Variants in ADAM22 observed in about 807,000 individuals in gnomAD.
ADAM22 encodes the protein ADAM metallopeptidase domain 22, also known as disintegrin and metalloproteinase domain-containing protein 22.
Under a neutral mutation model 144.6 loss-of-function variants are expected in ADAM22, and 65 were observed. That is an observed-to-expected ratio of 0.45 (90% CI 0.37 to 0.55). The LOEUF (loss-of-function observed/expected upper bound fraction) is 0.55. Among genes scored for constraint, ADAM22 ranks in the 20% least tolerant of loss-of-function variants. The probability of loss-of-function intolerance (pLI) is 0.00; values close to 1 mark genes in which losing one functional copy is unlikely to be tolerated. For synonymous variants in ADAM22, 391 were observed against 412.6 expected (o/e 0.95, Z 0.63); for missense variants, 974 against 1,184.9 (o/e 0.82, Z 2.61).
chr7:87,941,555 C>A (rs1050884627), intron 2 of ADAM22, among the ~76,000 whole-genome samples: 1 of 151,854 alleles, frequency 6.6e-6, no homozygotes. Context: ...TATTGATAAC[C>A]TTTTGCCACC....
At chr7:88,073,330 T>C (rs1396839894) in intron 3 of ADAM22, among the ~76,000 whole-genome samples, 3 of 152,210 alleles carry the variant, frequency 2.0e-5, no homozygotes, top group Non-Finnish European at 4.4e-5. Flanking sequence ...TGGTGAGAAT[T>C]GCAGCCATCA....
Position 88,200,321 on chromosome 7 carries a change from T to C in ADAM22, c.*3830T>C, listed in dbSNP as rs561807722. ...ATCTAAAGAAAAGATTATTTTACTT[T>C]ATTTTACTTAAAGGAAAGAGAATTT... On this transcript the variant is annotated 3_prime_UTR_variant, in exon 32 of 32. Transcript: ENST00000413139. 6.6e-6 allele frequency: 1 copy of C among 152,372 alleles called. No individual in the cohort carries two copies. Among genetic ancestry groups the C allele is most frequent in the Non-Finnish European group, 1.5e-5 (1 of 68,030 alleles). The allele number at this position is 152,372 out of a possible 1,614,324, so 9.4% of individuals were successfully genotyped here. A position where few individuals can be genotyped will look rare whatever the true frequency, so the allele number is the denominator to read the frequency against.
intron 3 of ADAM22, among the ~76,000 whole-genome samples, chr7:88,014,607 G>A (rs1413938335): frequency 6.6e-6 from 1 of 152,128 alleles, no homozygotes. Flanking sequence ...GTCAGGGGTG[G>A]TGGCAGACAC....
intron 3 of ADAM22, among the ~76,000 whole-genome samples, chr7:88,046,419 TTTGTTTTCTTGTTA>T (rs1213846503): frequency 6.6e-6 from 1 of 152,194 alleles, no homozygotes; most frequent in African/African-American, 2.4e-5. Flanking sequence ...CATCATGTTA[TTTGTTTTCTTGTTA>T]TTGAGTTTTT....
intron 26 of ADAM22, among the ~76,000 whole-genome samples, chr7:88,172,607 C>T (rs1001355066): frequency 6.6e-6 from 1 of 151,720 alleles, no homozygotes; most frequent in African/African-American, 2.4e-5. Context: ...ATTAAAATTC[C>T]CATAAGGCTT....
chr7:88,021,372 T>C lies in ADAM22; in HGVS notation c.323+42960T>C, dbSNP rs548482745. 2.6e-5 allele frequency among the ~76,000 whole-genome samples: 4 copies of C among 152,288 alleles called. No individual in the cohort carries two copies. The East Asian group carries it at 7.7e-4, about 29-fold the overall frequency. On this transcript the variant is annotated intron_variant, in intron 3 of 31. Transcript: ENST00000413139. ...GGATTATTTTTACAGAGTTTTAAATTTGCCTAAAGCAAACCTTTTTGCTGG... is the reference window on the plus strand; with the variant it reads ...GGATTATTTTTACAGAGTTTTAAATCTGCCTAAAGCAAACCTTTTTGCTGG...
At chr7:88,014,659 A>G (rs1796160444) in intron 3 of ADAM22, among the ~76,000 whole-genome samples, 1 of 152,128 alleles carries the variant, frequency 6.6e-6, no homozygotes, top group African/African-American at 2.4e-5. Flanking sequence ...AGGAGGTAAA[A>G]AAGAAAAAAA....
In ADAM22 at chr7:88,145,525, A is replaced by C. The variant is rs1563320501; in HGVS notation, c.1485+18A>C. 6.3e-7 allele frequency: 1 copy of C among 1,588,006 alleles called. No homozygotes were observed. The highest frequency in any genetic ancestry group is 1.3e-5 in the African/African-American group (1 of 74,372). On this transcript the variant is annotated intron_variant, in intron 17 of 31. Coordinates refer to ENST00000413139, the MANE Select transcript of ADAM22 (RefSeq NM_001324418.2). ...AGTGCAAGGTAAATAAACATTAATG[A>C]CCATTTGACAGAAAAAAAGGACATA...
At chr7:88,117,758 A>G (rs1372313003) in intron 7 of ADAM22, among the ~76,000 whole-genome samples, 1 of 149,486 alleles carries the variant, frequency 6.7e-6, no homozygotes, top group Admixed American at 6.7e-5. Context: ...CAGTGACGCG[A>G]CCTCAGCTCA....
chr7:87,955,448 A>G (rs1199393863), intron 2 of ADAM22, among the ~76,000 whole-genome samples: 1 of 152,144 alleles, frequency 6.6e-6, no homozygotes, highest in Non-Finnish European at 1.5e-5. Flanking sequence ...GCAGAACCGC[A>G]GATTTTTGTG....
chr7:88,130,131 AT>A (rs35644138), intron 9 of ADAM22, among the ~76,000 whole-genome samples: 60,096 of 151,794 alleles, frequency 0.4, 13,835 homozygotes, highest in East Asian at 0.88. Context: ...TGGATTGGGT[AT>A]TTTTTACTTC....
At chr7:88,082,975 A>G (rs1262537139) in intron 4 of ADAM22, among the ~76,000 whole-genome samples, 6 of 152,234 alleles carry the variant, frequency 3.9e-5, no homozygotes, top group Non-Finnish European at 7.3e-5. Flanking sequence ...TGACCCAGCC[A>G]TCCCATTAGT....
At chr7:88,132,815 T>A in intron 11 of ADAM22, 52 bp from the exon 12 acceptor site, 1 of 1,418,308 alleles carries the variant, frequency 7.1e-7, no homozygotes, top group Non-Finnish European at 1.0e-6. Flanking sequence ...TGAGGGGTGC[T>A]ATGATGTTTG....
At chr7:87,997,300 G>C (rs1394572836) in intron 3 of ADAM22, among the ~76,000 whole-genome samples, 1 of 152,186 alleles carries the variant, frequency 6.6e-6, no homozygotes, top group Non-Finnish European at 1.5e-5. Flanking sequence ...TAAACTTGGA[G>C]CTCCTCATTT....
At chr7:88,065,307 G>C (rs531493692) in intron 3 of ADAM22, among the ~76,000 whole-genome samples, 1 of 151,942 alleles carries the variant, frequency 6.6e-6, no homozygotes, top group Non-Finnish European at 1.5e-5. Context: ...AAGAGTTTTT[G>C]TTGACTTCAT....
chr7:88,057,390 C>T (rs1428931605), intron 3 of ADAM22, among the ~76,000 whole-genome samples: 3 of 152,138 alleles, frequency 2.0e-5, no homozygotes, highest in African/African-American at 7.2e-5. Flanking sequence ...ATTTGTTAAT[C>T]ACAAAAATAT....
chr7:88,188,438 G>A (rs901442077), intron 30 of ADAM22, among the ~76,000 whole-genome samples: 2 of 152,192 alleles, frequency 1.3e-5, no homozygotes, highest in Non-Finnish European at 2.9e-5. Flanking sequence ...GACAATTTTA[G>A]AGGGTTCCTT....
chr7:88,080,259 T>G (rs9979048), intron 4 of ADAM22, among the ~76,000 whole-genome samples: 1 of 151,910 alleles, frequency 6.6e-6, no homozygotes. Context: ...GGGTACATAA[T>G]GAAATGAAGG....
chr7:87,978,558 G>A, intron 3 of ADAM22, 146 bp downstream of exon 3: 1 of 589,658 alleles, frequency 1.7e-6, no homozygotes, highest in African/African-American at 1.9e-5. Flanking sequence ...TTTACTGTAG[G>A]TTATAAAGTC....
Sources: allele counts gnomAD v4.1 joint callset (sites outside exome capture counted in the v4.1 genomes callset), GRCh38; gene constraint gnomAD v4.1.1; transcripts MANE v1.5; gene names NCBI Gene and HGNC (gene_info 2026-07-23, HGNC 2026-07-21).